SMC1B: variants seen among roughly 807,000 people sequenced by gnomAD.
SMC1B encodes the protein structural maintenance of chromosomes protein 1B.
Under a neutral mutation model 157.9 loss-of-function variants are expected in SMC1B, and 60 were observed. The ratio of observed to expected loss-of-function variants is 0.38; its 90% CI spans 0.31 to 0.47. The LOEUF (loss-of-function observed/expected upper bound fraction) is 0.47, where lower values mean the gene tolerates loss of function less well. Ranked by LOEUF, SMC1B falls within the 20% of genes least tolerant of loss-of-function variation. The probability of loss-of-function intolerance (pLI) is 0.99; values close to 1 mark genes in which losing one functional copy is unlikely to be tolerated. For synonymous variants in SMC1B, 445 were observed against 483.0 expected (o/e 0.92, Z 1.03); for missense variants, 1,165 against 1,426.2 (o/e 0.82, Z 2.95).
chr22:45,369,919 G>T, intron 15 of SMC1B, 35 bp downstream of exon 15: 1 of 1,117,408 alleles, frequency 8.9e-7, no homozygotes, highest in Non-Finnish European at 1.3e-6. Flanking sequence ...TTATAAATAT[G>T]TAAGCTCCTT....
chr22:45,412,256 G>A lies in SMC1B; in HGVS notation c.109+1203C>T, dbSNP rs923716647. Among the ~76,000 whole-genome samples, 9 of 140,066 alleles carry A rather than the reference G, an allele frequency of 6.4e-5. No individual in the cohort carries two copies. In the South Asian group the frequency reaches 1.4e-3, roughly 22 times the overall value. 91.9% of individuals were successfully genotyped at this position (140,066 alleles called of 152,430 possible). On this transcript the variant is annotated intron_variant, in intron 1 of 24. Transcript: ENST00000357450. ...GCTCTTGTTACCCAGGCTGGAGTGCGGTGGTGCTATCTTGGCTCACTGCAA... is the reference window on the plus strand; with the variant it reads ...GCTCTTGTTACCCAGGCTGGAGTGCAGTGGTGCTATCTTGGCTCACTGCAA...
At chr22:45,372,911 C>G (rs1276996627) in intron 12 of SMC1B, among the ~76,000 whole-genome samples, 3 of 152,028 alleles carry the variant, frequency 2.0e-5, no homozygotes, top group South Asian at 4.1e-4. Flanking sequence ...ACGGGGGTTT[C>G]ATCGTGTTAG....
chr22:45,373,224 G>A (rs189693565), intron 12 of SMC1B, among the ~76,000 whole-genome samples: 36 of 152,298 alleles, frequency 2.4e-4, no homozygotes, highest in Non-Finnish European at 1.6e-4. Flanking sequence ...TGGGGCACAC[G>A]TTCTCAGGAC....
chr22:45,408,797 C>T lies in SMC1B; in HGVS notation c.211G>A (p.Gly71Arg). Residue 71 changes from glycine (G) to arginine (R), a missense_variant, in exon 2 of 25, where the codon GGA (glycine) becomes AGA (arginine). Coordinates refer to ENST00000357450, the MANE Select transcript of SMC1B (RefSeq NM_148674.5). ...IQELIHGAHI[G>R]KPISSSASVK... is the part of the protein sequence containing the mutation. ...CTTGCAGAAGAAGAAATAGGTTTTC[C>T]AATATGTGCTCCATGAATGAGTTCT... 5 of 1,584,350 alleles carry T rather than the reference C, an allele frequency of 3.2e-6. No individual in the cohort carries two copies. Among genetic ancestry groups the T allele is most frequent in the South Asian group, 2.3e-5 (2 of 85,352 alleles).
In SMC1B at chr22:45,389,886, T is replaced by C. The variant is rs927547848; in HGVS notation, c.1557A>G (p.Leu519=). ...RLYPDSVFGR[L]FDLCHPIHKK... ...TATGAATAGGATGACACAGGTCAAATAGTCTTCCAAACTTAGCAGGTTTCA... is the reference window on the plus strand; with the variant it reads ...TATGAATAGGATGACACAGGTCAAACAGTCTTCCAAACTTAGCAGGTTTCA... The change falls in exon 10 of 25, where the codon CTA becomes CTG. Residue 519 remains leucine, a synonymous_variant. Transcript: ENST00000357450. The C allele has an allele frequency of 1.2e-5, 19 of 1,613,466 alleles. No homozygotes were observed. The highest frequency in any genetic ancestry group is 1.6e-4 in the Middle Eastern group (1 of 6,082).
At position 45,395,514 on chromosome 22, in the gene SMC1B, G is replaced by A. The variant is rs143352164; in HGVS notation, c.1255-747C>T. 1.4e-3 allele frequency among the ~76,000 whole-genome samples: 215 copies of A among 152,194 alleles called. 1 individual carries two copies. Among genetic ancestry groups the A allele is most frequent in the African/African-American group, 4.9e-3 (205 of 41,528 alleles). On this transcript the variant is annotated intron_variant, in intron 7 of 24. Coordinates refer to ENST00000357450, the MANE Select transcript of SMC1B (RefSeq NM_148674.5). ...AATAAGCTTCCAGTCCAGTAGAGAG[G>A]TACCAATTAATTTTAATTTTTATGC...
At chr22:45,391,049 T>C (rs1265117692) in intron 9 of SMC1B, among the ~76,000 whole-genome samples, 2 of 151,436 alleles carry the variant, frequency 1.3e-5, no homozygotes, top group Admixed American at 1.3e-4. Context: ...AGCTGTGTAA[T>C]CCATTATTTG....
intron 2 of SMC1B, among the ~76,000 whole-genome samples, chr22:45,407,179 T>G (rs1221153084): frequency 2.0e-5 from 3 of 152,192 alleles, no homozygotes; most frequent in African/African-American, 7.2e-5. Flanking sequence ...ACCTGGGAAC[T>G]AGGTCATGCA....
At chr22:45,369,874 C>T (rs1011906378) in intron 15 of SMC1B, 80 bp downstream of exon 15, 26 of 846,832 alleles carry the variant, frequency 3.1e-5, no homozygotes, top group South Asian at 1.9e-4. Context: ...GAAACTCAGG[C>T]ATAATTCCTC....
chr22:45,395,276 T>C (rs190234406), intron 7 of SMC1B, among the ~76,000 whole-genome samples: 1 of 152,272 alleles, frequency 6.6e-6, no homozygotes. Flanking sequence ...GGGCAACTAA[T>C]AGCCTTGTGG....
At chr22:45,355,263 A>C (rs1436045229) in intron 19 of SMC1B, 148 bp from the exon 20 acceptor site, 1 of 715,908 alleles carries the variant, frequency 1.4e-6, no homozygotes, top group African/African-American at 1.8e-5. Flanking sequence ...CTGGAGGTGC[A>C]GTCCTGCTGC....
At chr22:45,346,525 C>T (rs192858208) in intron 23 of SMC1B, among the ~76,000 whole-genome samples, 1 of 152,334 alleles carries the variant, frequency 6.6e-6, no homozygotes, top group African/African-American at 2.4e-5. Context: ...AATGGGTCTT[C>T]TCCATGTGCA....
At chr22:45,413,355 C>T (rs556894355) in intron 1 of SMC1B, 104 bp downstream of exon 1, 9 of 891,154 alleles carry the variant, frequency 1.0e-5, no homozygotes, top group South Asian at 3.5e-5. Flanking sequence ...AGGGGAAGGC[C>T]GGCCAGGCGC....
intron 2 of SMC1B, among the ~76,000 whole-genome samples, chr22:45,408,408 A>G (rs899626432): frequency 6.6e-6 from 1 of 152,212 alleles, no homozygotes; most frequent in Non-Finnish European, 1.5e-5. Flanking sequence ...TACAGGCGTG[A>G]GCCACCATAC....
intron 15 of SMC1B, among the ~76,000 whole-genome samples, chr22:45,366,239 G>A (rs953697700): frequency 6.6e-6 from 1 of 152,170 alleles, no homozygotes; most frequent in Non-Finnish European, 1.5e-5. Flanking sequence ...GCCCAGGCTG[G>A]TCTCAAACTC....
intron 15 of SMC1B, among the ~76,000 whole-genome samples, chr22:45,367,355 T>G (rs993988687): frequency 3.3e-5 from 5 of 152,212 alleles, no homozygotes; most frequent in African/African-American, 1.2e-4. Flanking sequence ...AAGCTCAGGT[T>G]TGCTTCAGCT....
intron 1 of SMC1B, 144 bp downstream of exon 1, chr22:45,413,315 A>G (rs2087375021): frequency 1.6e-6 from 1 of 625,080 alleles, no homozygotes; most frequent in South Asian, 2.1e-5. Flanking sequence ...CCAGGCCGGG[A>G]TCCGGTCGCG....
chr22:45,346,242 C>A (rs1015910136), intron 23 of SMC1B, among the ~76,000 whole-genome samples: 2 of 152,152 alleles, frequency 1.3e-5, no homozygotes, highest in Non-Finnish European at 2.9e-5. Context: ...ATAATTTCCA[C>A]CTTCCTATTT....
chr22:45,369,260 C>A (rs921606841), intron 15 of SMC1B, among the ~76,000 whole-genome samples: 15 of 151,850 alleles, frequency 9.9e-5, no homozygotes, highest in African/African-American at 3.6e-4. Flanking sequence ...CCATGCCCAG[C>A]TAATTTTTTG....
Sources: allele counts gnomAD v4.1 joint callset (sites outside exome capture counted in the v4.1 genomes callset), GRCh38; gene constraint gnomAD v4.1.1; transcripts MANE v1.5; gene names NCBI Gene and HGNC (gene_info 2026-07-23, HGNC 2026-07-21).